The following ADAMTS7 variants were observed in gnomAD, a reference collection of about 807,000 sequenced individuals.
ADAMTS7 encodes ADAM metallopeptidase with thrombospondin type 1 motif 7.
A neutral mutation model predicts 172.6 loss-of-function variants in ADAMTS7; 89 were observed. That is an observed-to-expected ratio of 0.52 (90% CI 0.43 to 0.61). ADAMTS7 has a LOEUF of 0.61. Ranked by LOEUF, ADAMTS7 falls within the 20% of genes least tolerant of loss-of-function variation. ADAMTS7 has a pLI of 0.00. For synonymous variants in ADAMTS7, 885 were observed against 978.4 expected (o/e 0.90, Z 1.78); for missense variants, 1,973 against 2,355.6 (o/e 0.84, Z 3.36).
At chr15:78,803,624 T>C (rs1457357292) in intron 1 of ADAMTS7, among the ~76,000 whole-genome samples, 1 of 152,208 alleles carries the variant, frequency 6.6e-6, no homozygotes, top group Non-Finnish European at 1.5e-5. Context: ...AGCGAGTTCT[T>C]GTATTTTTAG....
Position 78,791,128 on chromosome 15 carries a change from A to G in ADAMTS7, c.903+12T>C, listed in dbSNP as rs752333516. ...CCATTGCCGGGCAGCGTGGGACCAC[A>G]TGACCACTCACCTCCTCATCTTCCA... On this transcript the variant is annotated intron_variant, in intron 5 of 23. Coordinates refer to ENST00000388820, the MANE Select transcript of ADAMTS7 (RefSeq NM_014272.5). The G allele has an allele frequency of 6.2e-7, 1 of 1,611,672 alleles. No homozygotes were observed. The highest frequency in any genetic ancestry group is 8.5e-7 in the Non-Finnish European group (1 of 1,178,768).
rs1206387331 is a variant in ADAMTS7 at position 78,796,865 on chromosome 15, G to C, written c.623-79C>G. On this transcript the variant is annotated intron_variant, in intron 3 of 23. Transcript: ENST00000388820. ...CGTCTCCAGGGCCTCTCCTCAGTGAGCTCTCTCTGGGGCACTGGGAACCAC... is the reference window on the plus strand; with the variant it reads ...CGTCTCCAGGGCCTCTCCTCAGTGACCTCTCTCTGGGGCACTGGGAACCAC... 8 of 1,335,736 alleles carry C rather than the reference G, an allele frequency of 6.0e-6. No individual in the cohort carries two copies. In the South Asian group the frequency reaches 8.5e-5, roughly 14 times the overall value. 82.7% of individuals were successfully genotyped at this position (1,335,736 alleles called of 1,614,324 possible).
intron 4 of ADAMTS7, among the ~76,000 whole-genome samples, chr15:78,794,364 G>T (rs1353297219): frequency 1.3e-5 from 2 of 152,254 alleles, no homozygotes; most frequent in Middle Eastern, 3.2e-3. Context: ...GCCTTAGGCC[G>T]TGGCTCCACA....
chr15:78,759,300 C>A lies in ADAMTS7; in HGVS notation c.*121G>T. 1.1e-6 allele frequency: 1 copy of A among 945,362 alleles called. No individual in the cohort carries two copies. The highest frequency in any genetic ancestry group is 2.2e-5 in the South Asian group (1 of 45,504). 58.6% of individuals were successfully genotyped at this position (945,362 alleles called of 1,614,324 possible). ...TACCTTTTTTGAGGGGGAGGAGGTC[C>A]CCAGCCTGCTGCTGGGTAGTGAGAG... On this transcript the variant is annotated 3_prime_UTR_variant, in exon 24 of 24. Coordinates refer to ENST00000388820, the MANE Select transcript of ADAMTS7 (RefSeq NM_014272.5).
rs200080080 is a variant in ADAMTS7, at chr15:78,763,758, T to C, written c.4681A>G (p.Thr1561Ala). 726 of 1,598,784 alleles carry C rather than the reference T, an allele frequency of 4.5e-4. No homozygotes were observed. Among genetic ancestry groups the C allele is most frequent in the Non-Finnish European group, 3.5e-4 (411 of 1,175,324 alleles). Residue 1561 changes from threonine to alanine, a missense_variant, in exon 22 of 24, where the codon ACC becomes GCC. By Grantham distance (58) the Thr-to-Ala change is moderately conservative. Around this residue, in one of 8 missense-constraint regions of ADAMTS7, gnomAD observed 218 missense variants for 216.9 expected, o/e 1.01. Coordinates refer to ENST00000388820, the MANE Select transcript of ADAMTS7 (RefSeq NM_014272.5). ...GLCEEALRPN[T>A]TRPCNTHPCT... ...GGGTGGGTGTTGCAGGGCCGGGTGG[T>C]GTTGGGTCTCAGCGCCTCCTCGCAG...
At chr15:78,760,953 C>A (rs2055033591) in intron 23 of ADAMTS7, among the ~76,000 whole-genome samples, 1 of 152,138 alleles carries the variant, frequency 6.6e-6, no homozygotes. Flanking sequence ...CTGTTCTCTG[C>A]CCCATCTGGT....
Position 78,800,452 on chromosome 15 carries a change from C to A in ADAMTS7, c.196G>T (p.Ala66Ser), listed in dbSNP as rs761326054. The change falls in exon 2 of 24, where the codon GCA (alanine) becomes TCA (serine). Residue 66 changes from alanine (A) to serine (S), a missense_variant. Ala to Ser is a moderately conservative substitution (Grantham distance 99). Transcript: ENST00000388820. Reference protein sequence around the residue: ...SFLSYELWPRALRKRDVSVRR... With the variant: ...SFLSYELWPRSLRKRDVSVRR... ...ACAGATACATCCCGCTTGCGCAGTG[C>A]GCGGGGCCACAGCTCGTAGGACAGG... 4 of 1,610,710 alleles carry A rather than the reference C, an allele frequency of 2.5e-6. No individual in the cohort carries two copies. The highest frequency in any genetic ancestry group is 1.3e-5 in the African/African-American group (1 of 74,918).
intron 3 of ADAMTS7, 106 bp downstream of exon 3, chr15:78,797,842 G>A (rs2055665979): frequency 7.7e-6 from 10 of 1,301,492 alleles, no homozygotes; most frequent in Non-Finnish European, 1.1e-5. Context: ...GTGTCATCTG[G>A]TCTAAGGGGC....
At chr15:78,804,095 G>A (rs2055759261) in intron 1 of ADAMTS7, among the ~76,000 whole-genome samples, 1 of 152,160 alleles carries the variant, frequency 6.6e-6, no homozygotes, top group Non-Finnish European at 1.5e-5. Flanking sequence ...GACTGGCCTA[G>A]AGCCACACAG....
intron 8 of ADAMTS7, among the ~76,000 whole-genome samples, chr15:78,787,358 AAC>A (rs1429634979): frequency 1.3e-5 from 2 of 151,170 alleles, no homozygotes; most frequent in African/African-American, 4.8e-5. Flanking sequence ...AAAAAAAAAA[AAC>A]AAAAAAACAC....
At chr15:78,778,649 A>C (rs1468856998) in intron 8 of ADAMTS7, among the ~76,000 whole-genome samples, 1 of 152,106 alleles carries the variant, frequency 6.6e-6, no homozygotes, top group African/African-American at 2.4e-5. Context: ...GAAACAATGG[A>C]GGGAGGCAGG....
chr15:78,782,565 A>G (rs969636123), intron 8 of ADAMTS7, among the ~76,000 whole-genome samples: 3 of 152,218 alleles, frequency 2.0e-5, no homozygotes, highest in Non-Finnish European at 4.4e-5. Flanking sequence ...CAGTAGAGGA[A>G]ATAAACAAGG....
chr15:78,778,240 G>A (rs777720301), intron 8 of ADAMTS7, among the ~76,000 whole-genome samples: 3 of 152,222 alleles, frequency 2.0e-5, no homozygotes, highest in African/African-American at 7.2e-5. Flanking sequence ...CGCCATCTGT[G>A]TCCACCACAC....
intron 22 of ADAMTS7, among the ~76,000 whole-genome samples, chr15:78,762,960 C>G (rs1167594198): frequency 6.6e-6 from 1 of 152,224 alleles, no homozygotes; most frequent in Non-Finnish European, 1.5e-5. Flanking sequence ...GGACCTGCCG[C>G]AGCCCATGGG....
rs776581990 is a variant in ADAMTS7 at position 78,774,700 on chromosome 15, G to A, written c.1800C>T (p.Arg600=). 1 of 1,611,688 alleles carries A rather than the reference G, an allele frequency of 6.2e-7. No individual in the cohort carries two copies. Among genetic ancestry groups the A allele is most frequent in the African/African-American group, 1.3e-5 (1 of 74,996 alleles). Residue 600 remains arginine, a synonymous_variant, in exon 12 of 24, where the codon CGC becomes CGT. Transcript: ENST00000388820. ...QACPAGRPSF[R]HVQCSHFDAM... ...CGTCAAAGTGGCTGCACTGGACGTG[G>A]CGGAAGGAGGGGCGGCCAGCAGGGC...
chr15:78,760,314 G>A (rs1313795233), intron 23 of ADAMTS7, among the ~76,000 whole-genome samples: 3 of 152,292 alleles, frequency 2.0e-5, no homozygotes, highest in East Asian at 3.9e-4. Context: ...CCAGCCTCCT[G>A]GCCTTGCTCC....
chr15:78,761,754 G>C (rs1261938038), intron 23 of ADAMTS7, among the ~76,000 whole-genome samples: 1 of 152,120 alleles, frequency 6.6e-6, no homozygotes. Flanking sequence ...GCGTGTGTGT[G>C]TGTGTGCGCG....
chr15:78,804,683 G>A (rs919004962), intron 1 of ADAMTS7, among the ~76,000 whole-genome samples: 2 of 152,192 alleles, frequency 1.3e-5, no homozygotes, highest in Admixed American at 6.5e-5. Context: ...CCGCCGCAGC[G>A]ATGCCAGCCT....
At chr15:78,777,680 G>T in intron 8 of ADAMTS7, 92 bp from the exon 9 acceptor site, 1 of 1,475,690 alleles carries the variant, frequency 6.8e-7, no homozygotes. Flanking sequence ...AGAGGTGGGA[G>T]GGGGCACAGA....
Sources: allele counts gnomAD v4.1 joint callset (sites outside exome capture counted in the v4.1 genomes callset), GRCh38; gene constraint gnomAD v4.1.1; regional missense constraint gnomAD v4.1.1; transcripts MANE v1.5; gene names NCBI Gene and HGNC (gene_info 2026-07-23, HGNC 2026-07-21).